The following NDST3 variants were observed in gnomAD, a reference collection of about 807,000 sequenced individuals.
NDST3 encodes bifunctional heparan sulfate N-deacetylase/N-sulfotransferase 3.
A neutral mutation model predicts 96.1 loss-of-function variants in NDST3; 58 were observed. The observed-to-expected ratio is 0.60, with a 90% CI of 0.49 to 0.75. The LOEUF is 0.75. NDST3 is among the 30% of genes least tolerant of loss of function. NDST3 has a pLI of 0.00. For synonymous variants in NDST3, 333 were observed against 359.7 expected, an observed-to-expected ratio of 0.93 and a Z score of 0.84; for missense variants, 788 against 1,034.2, an observed-to-expected ratio of 0.76 and a Z score of 3.27.
At chr4:118,197,135 T>A (rs1737746499) in intron 6 of NDST3, among the ~76,000 whole-genome samples, 1 of 152,062 alleles carries the variant, frequency 6.6e-6, no homozygotes, top group Non-Finnish European at 1.5e-5. Context: ...ACTTTCCATG[T>A]GTTTGTATAG....
At chr4:118,178,857 C>T (rs1383293194) in intron 6 of NDST3, among the ~76,000 whole-genome samples, 2 of 152,004 alleles carry the variant, frequency 1.3e-5, no homozygotes, top group East Asian at 3.8e-4. Flanking sequence ...TTTCCTGTTG[C>T]TTTGATACTA....
chr4:118,180,212 A>C (rs996275381), intron 6 of NDST3, among the ~76,000 whole-genome samples: 4 of 152,104 alleles, frequency 2.6e-5, no homozygotes, highest in Non-Finnish European at 4.4e-5. Flanking sequence ...CCAGGTACTG[A>C]GAATAGGACC....
At chr4:118,040,223 T>C (rs1013411301) in intron 1 of NDST3, among the ~76,000 whole-genome samples, 1 of 152,250 alleles carries the variant, frequency 6.6e-6, no homozygotes, top group Non-Finnish European at 1.5e-5. Flanking sequence ...GGGCACAGTC[T>C]ATGTGAGTTG....
At chr4:118,161,671 C>A (rs181774544) in intron 6 of NDST3, among the ~76,000 whole-genome samples, 1 of 152,156 alleles carries the variant, frequency 6.6e-6, no homozygotes, top group Non-Finnish European at 1.5e-5. Flanking sequence ...TAGGACCCTC[C>A]GAGCCATGTG....
intron 6 of NDST3, among the ~76,000 whole-genome samples, chr4:118,185,847 T>C (rs1345450477): frequency 1.3e-5 from 2 of 152,186 alleles, no homozygotes; most frequent in African/African-American, 2.4e-5. Flanking sequence ...TCACTATGTA[T>C]AGAGAACCCT....
At chr4:118,231,956 T>C (rs1487468535) in intron 8 of NDST3, among the ~76,000 whole-genome samples, 2 of 152,142 alleles carry the variant, frequency 1.3e-5, no homozygotes, top group African/African-American at 4.8e-5. Context: ...TCCCCAATAG[T>C]CACAAATATA....
chr4:118,251,914 T>G (rs545973336), intron 12 of NDST3, among the ~76,000 whole-genome samples: 1 of 152,330 alleles, frequency 6.6e-6, no homozygotes, highest in South Asian at 2.1e-4. Flanking sequence ...TCTAGTCTTC[T>G]GATTTATGAG....
intron 4 of NDST3, among the ~76,000 whole-genome samples, chr4:118,129,027 G>A (rs544097391): frequency 6.6e-6 from 1 of 151,898 alleles, no homozygotes; most frequent in Non-Finnish European, 1.5e-5. Context: ...AGTATCAGTT[G>A]TAGTGTTTCC....
In NDST3 at chr4:118,240,701, A is replaced by G; in HGVS notation, c.2289+7A>G. 6.2e-7 allele frequency: 1 copy of G among 1,611,090 alleles called. No individual in the cohort carries two copies. Among genetic ancestry groups the G allele is most frequent in the East Asian group, 2.2e-5 (1 of 44,850 alleles). ...TTATTTCCCCCCATTTCAGGTATGGAGTAATAAGGATTTACATCATGTTAG... is the reference window on the plus strand; with the variant it reads ...TTATTTCCCCCCATTTCAGGTATGGGGTAATAAGGATTTACATCATGTTAG... On this transcript the variant is annotated splice_region_variant and intron_variant, in intron 11 of 13. Coordinates refer to ENST00000296499, the MANE Select transcript of NDST3 (RefSeq NM_004784.3).
intron 2 of NDST3, among the ~76,000 whole-genome samples, chr4:118,103,790 A>C (rs928093919): frequency 6.6e-6 from 1 of 152,162 alleles, no homozygotes; most frequent in African/African-American, 2.4e-5. Flanking sequence ...CGCACATATT[A>C]CATGGTTCAG....
In NDST3 at chr4:118,205,350, C is replaced by T. The variant is rs746880955; in HGVS notation, c.1540-19141C>T. On this transcript the variant is annotated intron_variant, in intron 6 of 13. Coordinates refer to ENST00000296499, the MANE Select transcript of NDST3 (RefSeq NM_004784.3). ...TGCCATTGAGTTCATATGCTAGATA[C>T]ATTGAGTTTATCTATTTATATATCA... Among the ~76,000 whole-genome samples, 14 of 144,536 alleles carry T rather than the reference C, an allele frequency of 9.7e-5. 1 individual carries two copies. The highest frequency in any genetic ancestry group is 2.0e-4 in the Non-Finnish European group (13 of 65,244). 94.8% of individuals were successfully genotyped at this position (144,536 alleles called of 152,430 possible).
At chr4:118,129,182 C>T (rs577187647) in intron 4 of NDST3, among the ~76,000 whole-genome samples, 4 of 151,554 alleles carry the variant, frequency 2.6e-5, no homozygotes, top group East Asian at 3.9e-4. Flanking sequence ...ATTTCAATTT[C>T]GTTTACTTCT....
At chr4:118,205,770 TA>T (rs1271983791) in intron 6 of NDST3, among the ~76,000 whole-genome samples, 4 of 143,404 alleles carry the variant, frequency 2.8e-5, no homozygotes, top group Admixed American at 6.9e-5. Context: ...TCCACCTCCA[TA>T]AGGTTCTTCT....
At chr4:118,130,793 A>T (rs1371930565) in intron 4 of NDST3, among the ~76,000 whole-genome samples, 1 of 152,120 alleles carries the variant, frequency 6.6e-6, no homozygotes, top group Non-Finnish European at 1.5e-5. Flanking sequence ...TTTGTCTGGG[A>T]AAGTCTTTAT....
At chr4:118,089,880 CTA>C (rs1230606410) in intron 2 of NDST3, among the ~76,000 whole-genome samples, 1 of 151,842 alleles carries the variant, frequency 6.6e-6, no homozygotes, top group Non-Finnish European at 1.5e-5. Context: ...GAGGTGATAA[CTA>C]TAAAAGAATA....
intron 6 of NDST3, among the ~76,000 whole-genome samples, chr4:118,220,045 T>C (rs1727856048): frequency 6.6e-6 from 1 of 152,138 alleles, no homozygotes; most frequent in African/African-American, 2.4e-5. Context: ...TCAACCATTG[T>C]GGAAGACAGT....
intron 6 of NDST3, among the ~76,000 whole-genome samples, chr4:118,156,294 A>G (rs1734706553): frequency 6.6e-6 from 1 of 152,162 alleles, no homozygotes; most frequent in Non-Finnish European, 1.5e-5. Context: ...TTTTTAAAGA[A>G]GACATCCCCA....
At chr4:118,068,634 C>T (rs969822617) in intron 2 of NDST3, among the ~76,000 whole-genome samples, 4 of 151,902 alleles carry the variant, frequency 2.6e-5, no homozygotes, top group African/African-American at 9.7e-5. Flanking sequence ...AGTGAGGGGC[C>T]CAGATCACCT....
intron 12 of NDST3, among the ~76,000 whole-genome samples, chr4:118,250,526 C>G (rs1049945483): frequency 1.3e-5 from 2 of 151,106 alleles, no homozygotes; most frequent in Admixed American, 6.6e-5. Context: ...CTCTTGTTGC[C>G]CAGGCTGGAG....
Sources: gnomAD v4.1 joint callset for allele counts (sites outside exome capture counted in the v4.1 genomes callset) on GRCh38, gnomAD v4.1.1 for gene constraint, MANE v1.5 for transcripts, NCBI Gene and HGNC (gene_info 2026-07-23, HGNC 2026-07-21) for gene names.